The following ZNF644 variants were observed in gnomAD, a reference collection of about 807,000 sequenced individuals.
The protein encoded by ZNF644 is zinc finger motif enhancer binding protein 2.
A neutral mutation model predicts 108.0 loss-of-function variants in ZNF644; 20 were observed. That is an observed-to-expected ratio of 0.19 (90% CI 0.13 to 0.27). ZNF644 has a LOEUF of 0.27. Among genes scored for constraint, ZNF644 ranks in the 10% least tolerant of loss-of-function variants. The pLI, the probability that ZNF644 is intolerant of heterozygous loss-of-function variation, is 1.00. For synonymous variants in ZNF644, 542 were observed against 539.1 expected, an observed-to-expected ratio of 1.01 and a Z score of -0.08; for missense variants, 1,338 against 1,548.9, an observed-to-expected ratio of 0.86 and a Z score of 2.29.
At chr1:91,017,594 T>C (rs1367885247) in intron 1 of ZNF644, among the ~76,000 whole-genome samples, 1 of 152,256 alleles carries the variant, frequency 6.6e-6, no homozygotes, top group East Asian at 1.9e-4. Context: ...AAGGATTTCT[T>C]ATCTTGAAAT....
intron 4 of ZNF644, among the ~76,000 whole-genome samples, chr1:90,927,209 G>A (rs1024736253): frequency 2.0e-5 from 3 of 152,068 alleles, no homozygotes; most frequent in African/African-American, 7.2e-5. Flanking sequence ...AGTATTTCAC[G>A]CATACCTCTC....
chr1:90,936,184 A>G (rs1295350375), intron 4 of ZNF644, among the ~76,000 whole-genome samples: 1 of 152,204 alleles, frequency 6.6e-6, no homozygotes, highest in East Asian at 1.9e-4. Context: ...CTTAGTCATC[A>G]CAGGAAAAAC....
intron 4 of ZNF644, among the ~76,000 whole-genome samples, chr1:90,928,319 ATTTTTTTT>A (rs58051560): frequency 1.0e-5 from 1 of 95,866 alleles, no homozygotes; most frequent in Non-Finnish European, 2.1e-5. Context: ...CACTGGGCTG[ATTTTTTTT>A]TTTTTTTTTT....
intron 2 of ZNF644, among the ~76,000 whole-genome samples, chr1:90,965,758 C>CT (rs1018023853): frequency 2.6e-5 from 4 of 151,808 alleles, no homozygotes; most frequent in South Asian, 2.1e-4. Flanking sequence ...CTAACTCTCT[C>CT]TTTTTTTTGA....
chr1:90,990,179 T>C (rs1293507277), intron 1 of ZNF644, among the ~76,000 whole-genome samples: 1 of 152,178 alleles, frequency 6.6e-6, no homozygotes. Context: ...AATTAGTGTT[T>C]AACAGACACA....
At chr1:90,948,209 A>AT (rs1011942623) in intron 2 of ZNF644, among the ~76,000 whole-genome samples, 21 of 152,232 alleles carry the variant, frequency 1.4e-4, no homozygotes, top group African/African-American at 5.1e-4. Flanking sequence ...ACCAAGTCAG[A>AT]TATCTATTTG....
intron 2 of ZNF644, among the ~76,000 whole-genome samples, chr1:90,956,738 A>T (rs1557596780): frequency 6.6e-6 from 1 of 152,126 alleles, no homozygotes; most frequent in Non-Finnish European, 1.5e-5. Flanking sequence ...TTTAGTCACA[A>T]ATACTCAGGA....
At chr1:91,017,143 A>G (rs1171960856) in intron 1 of ZNF644, among the ~76,000 whole-genome samples, 1 of 152,098 alleles carries the variant, frequency 6.6e-6, no homozygotes, top group African/African-American at 2.4e-5. Flanking sequence ...TATATAAAGT[A>G]TTTTAAAAGC....
At chr1:90,946,185 A>C (rs1234689673) in intron 2 of ZNF644, among the ~76,000 whole-genome samples, 1 of 152,120 alleles carries the variant, frequency 6.6e-6, no homozygotes, top group Non-Finnish European at 1.5e-5. Context: ...TATACCATAC[A>C]CAATGTACAA....
At chr1:90,925,011 T>C (rs1020282386) in intron 4 of ZNF644, among the ~76,000 whole-genome samples, 1 of 152,254 alleles carries the variant, frequency 6.6e-6, no homozygotes, top group African/African-American at 2.4e-5. Flanking sequence ...AATTTAGCTC[T>C]GGCCAACCAC....
At position 90,945,577 on chromosome 1, in the gene ZNF644, A is replaced by G. The variant is rs530832968; in HGVS notation, c.45-4268T>C. Among the ~76,000 whole-genome samples the G allele has an allele frequency of 1.1e-4, 16 of 152,116 alleles. No homozygotes were observed. In the South Asian group the frequency reaches 3.3e-3, roughly 32 times the overall value. On this transcript the variant is annotated intron_variant, in intron 2 of 5. Coordinates refer to ENST00000337393, the MANE Select transcript of ZNF644 (RefSeq NM_201269.3). ...TATCAGCACTTGCTATAACACCCTCACTACACTACATCTTGAGGTTACTAC... is the reference window on the plus strand; with the variant it reads ...TATCAGCACTTGCTATAACACCCTCGCTACACTACATCTTGAGGTTACTAC...
chr1:90,943,435 C>T (rs1652209146), intron 2 of ZNF644, among the ~76,000 whole-genome samples: 1 of 151,914 alleles, frequency 6.6e-6, no homozygotes, highest in Non-Finnish European at 1.5e-5. Flanking sequence ...AGTGAGACTC[C>T]GTCTCAAAAA....
At chr1:90,944,338 C>T (rs979378863) in intron 2 of ZNF644, among the ~76,000 whole-genome samples, 13 of 152,088 alleles carry the variant, frequency 8.5e-5, no homozygotes, top group African/African-American at 3.1e-4. Flanking sequence ...AAGATATCAA[C>T]CTGTTTTGTT....
At chr1:91,011,518 T>C (rs937419084) in intron 1 of ZNF644, among the ~76,000 whole-genome samples, 1 of 152,168 alleles carries the variant, frequency 6.6e-6, no homozygotes, top group Non-Finnish European at 1.5e-5. Flanking sequence ...TATACTACAA[T>C]AAGGTTTCTA....
At position 90,916,230 on chromosome 1, in the gene ZNF644, G is replaced by A. The variant is rs539446101; in HGVS notation, c.*568C>T. On this transcript the variant is annotated 3_prime_UTR_variant, in exon 6 of 6. Transcript: ENST00000337393. ...TCCACTTTTTAGTATAAAAAAAACC[G>A]TTCCATGTGATTTTAAAAAAAACAC... is the stretch of plus-strand genomic sequence containing the variant. 3 of 152,164 alleles carry A rather than the reference G, an allele frequency of 2.0e-5. No homozygotes were observed. Among genetic ancestry groups the A allele is most frequent in the East Asian group, 1.9e-4 (1 of 5,166 alleles). 9.4% of individuals were successfully genotyped at this position (152,164 alleles called of 1,614,324 possible). A position where few individuals can be genotyped will look rare whatever the true frequency, so the allele number is the denominator to read the frequency against.
intron 2 of ZNF644, among the ~76,000 whole-genome samples, chr1:90,973,549 A>C (rs1355497963): frequency 6.6e-6 from 1 of 151,274 alleles, no homozygotes; most frequent in Non-Finnish European, 1.5e-5. Flanking sequence ...AGCACTATAT[A>C]AATGTTAAAT....
At chr1:90,995,447 A>T (rs1350466446) in intron 1 of ZNF644, among the ~76,000 whole-genome samples, 1 of 152,178 alleles carries the variant, frequency 6.6e-6, no homozygotes, top group Non-Finnish European at 1.5e-5. Flanking sequence ...AAAGAAAGGA[A>T]TGAGATGAGC....
Position 90,938,005 on chromosome 1 carries a change from A to G in ZNF644, c.3168T>C (p.His1056=), listed in dbSNP as rs1651527171. Reference sequence around the variant, plus strand: ...CAAGTCTTTTCAAGTGGCCTCTAACATGATTTGATAATCCAATTTTAGTAT... The same window carrying G: ...CAAGTCTTTTCAAGTGGCCTCTAACGTGATTTGATAATCCAATTTTAGTAT... ...WFDTKIGLSN[H]VRGHLKRLGK... The change falls in exon 4 of 6, where the codon CAT becomes CAC. Residue 1056 remains histidine, a synonymous_variant. Coordinates refer to ENST00000337393, the MANE Select transcript of ZNF644 (RefSeq NM_201269.3). This position sits in a 1 kb window ranked among gnomAD's most constrained non-coding sequence, Gnocchi z 4.2. 6.2e-7 allele frequency: 1 copy of G among 1,611,302 alleles called. No individual in the cohort carries two copies. Among genetic ancestry groups the G allele is most frequent in the Admixed American group, 1.7e-5 (1 of 59,972 alleles).
Position 90,941,305 on chromosome 1 carries a change from T to C in ZNF644, c.49A>G (p.Asn17Asp). 2 of 1,599,586 alleles carry C rather than the reference T, an allele frequency of 1.3e-6. No individual in the cohort carries two copies. Among genetic ancestry groups the C allele is most frequent in the African/African-American group, 1.4e-5 (1 of 73,876 alleles). ...QDVNKTKSRL[N>D]VLNGLANNMD... is the part of the protein sequence containing the mutation. ...TTGTTGGCAAGCCCATTTAACACAT[T>C]TAGTCTAGAAAATGGAAAAAAAAAA... The change falls in exon 3 of 6, where the codon AAT becomes GAT. Residue 17 changes from asparagine to aspartate, a missense_variant. Around this residue, in one of 6 missense-constraint regions of ZNF644, gnomAD observed 464 missense variants for 457.9 expected, o/e 1.01. Coordinates refer to ENST00000337393, the MANE Select transcript of ZNF644 (RefSeq NM_201269.3).
Sources: gnomAD v4.1 joint callset for allele counts (sites outside exome capture counted in the v4.1 genomes callset) on GRCh38, gnomAD v4.1.1 for gene constraint, gnomAD v4.1.1 regional missense constraint, Gnocchi (gnomAD v3.1) non-coding constraint, MANE v1.5 for transcripts, NCBI Gene and HGNC (gene_info 2026-07-23, HGNC 2026-07-21) for gene names.